ZBTB1: variants seen among roughly 807,000 people sequenced by gnomAD.
ZBTB1 encodes zinc finger and BTB domain-containing protein 1.
In ZBTB1, 13 loss-of-function variants were observed where a neutral mutation model predicts 51.6. The observed-to-expected ratio is 0.25, with a 90% CI of 0.16 to 0.40. ZBTB1 has a LOEUF of 0.40. ZBTB1 is among the 10% of genes least tolerant of loss of function. The probability of loss-of-function intolerance (pLI) is 1.00; values close to 1 mark genes in which losing one functional copy is unlikely to be tolerated. For synonymous variants in ZBTB1, 240 were observed against 282.2 expected (o/e 0.85, Z 1.50); for missense variants, 567 against 856.5 (o/e 0.66, Z 4.22).
chr14:64,525,750 ACT>A (rs1388984440), downstream of ZBTB1, among the ~76,000 whole-genome samples: 32 of 152,208 alleles, frequency 2.1e-4, no homozygotes, highest in African/African-American at 4.8e-4. Flanking sequence ...TATAAACTTT[ACT>A]CTCTAATTTT....
Position 64,504,784 on chromosome 14 carries a change from C to G in ZBTB1, c.-181C>G, listed in dbSNP as rs1350614086. 14 of 381,158 alleles carry G rather than the reference C, an allele frequency of 3.7e-5. No individual in the cohort carries two copies. In the East Asian group the frequency reaches 4.8e-4, roughly 13 times the overall value. The allele number at this position is 381,158 out of a possible 1,614,324, so 23.6% of individuals were successfully genotyped here. A position where few individuals can be genotyped will look rare whatever the true frequency, so the allele number is the denominator to read the frequency against. ...GGAAGTCCTTTGTTGCAGCACAGTC[C>G]CTGGCAGAGCCAGAGCCTCTCCGCG... On this transcript the variant is annotated 5_prime_UTR_variant, in exon 1 of 2. Coordinates refer to ENST00000683701, the MANE Select transcript of ZBTB1 (RefSeq NM_001123329.2).
chr14:64,530,750 G>A (rs901967125), intron 2 of ZBTB1, among the ~76,000 whole-genome samples: 6 of 152,164 alleles, frequency 3.9e-5, no homozygotes, highest in Admixed American at 6.5e-5. Context: ...AAGTCAATTA[G>A]TAGTGTCAAA....
At chr14:64,516,207 T>C (rs1050277110) in intron 1 of ZBTB1, among the ~76,000 whole-genome samples, 2 of 152,152 alleles carry the variant, frequency 1.3e-5, no homozygotes, top group East Asian at 1.9e-4. Context: ...GAGGACATTC[T>C]GAGCTATGAT....
chr14:64,511,496 G>C (rs1205168087), intron 1 of ZBTB1: 1 of 152,198 alleles, frequency 6.6e-6, no homozygotes, highest in Non-Finnish European at 1.5e-5. Context: ...TGATGCAAAA[G>C]AGGAAGGAAA....
chr14:64,508,325 C>A (rs1474352807), intron 1 of ZBTB1, among the ~76,000 whole-genome samples: 1 of 152,064 alleles, frequency 6.6e-6, no homozygotes, highest in Non-Finnish European at 1.5e-5. Context: ...GAGTTCCATC[C>A]CCACTTTGAA....
chr14:64,518,358 T>A (rs1452100412), intron 1 of ZBTB1: 1 of 152,242 alleles, frequency 6.6e-6, no homozygotes, highest in African/African-American at 2.4e-5. Flanking sequence ...TGTACTTACT[T>A]GAAACTTGAT....
chr14:64,518,713 T>C (rs1298323500), intron 1 of ZBTB1, among the ~76,000 whole-genome samples: 1 of 152,018 alleles, frequency 6.6e-6, no homozygotes, highest in African/African-American at 2.4e-5. Context: ...ATTCTGAAGC[T>C]TTATGTATAC....
At chr14:64,506,231 C>A (rs2079652574) in intron 1 of ZBTB1, among the ~76,000 whole-genome samples, 1 of 151,970 alleles carries the variant, frequency 6.6e-6, no homozygotes, top group Admixed American at 6.5e-5. Context: ...GGTTCCTCCT[C>A]TTAAAGAAAC....
chr14:64,507,349 C>G (rs112741157), intron 1 of ZBTB1, among the ~76,000 whole-genome samples: 118 of 152,162 alleles, frequency 7.8e-4, no homozygotes, highest in Non-Finnish European at 1.5e-3. Context: ...AAGGGTTACT[C>G]GTGTCTATTT....
intron 1 of ZBTB1, among the ~76,000 whole-genome samples, chr14:64,514,541 A>C (rs868061507): frequency 2.2e-4 from 34 of 152,222 alleles, no homozygotes; most frequent in African/African-American, 7.2e-4. Context: ...TGTTATTTCC[A>C]ATTTGAGAGA....
At chr14:64,530,247 G>A (rs928025471) in intron 2 of ZBTB1, among the ~76,000 whole-genome samples, 1 of 152,204 alleles carries the variant, frequency 6.6e-6, no homozygotes, top group African/African-American at 2.4e-5. Context: ...TGTGGACAAT[G>A]TCTATATAAT....
upstream of ZBTB1, chr14:64,504,606 C>T (rs1002701258): frequency 3.6e-6 from 1 of 274,334 alleles, no homozygotes; most frequent in Non-Finnish European, 6.8e-6. Context: ...CAGGCGACCG[C>T]GGGTGCCCCT....
At chr14:64,510,483 A>T (rs1025586411) in intron 1 of ZBTB1, among the ~76,000 whole-genome samples, 4 of 152,224 alleles carry the variant, frequency 2.6e-5, no homozygotes, top group Non-Finnish European at 5.9e-5. Context: ...GGTGTTACAG[A>T]GGCTTTCTGC....
rs768564161 is a variant in ZBTB1 at position 64,521,690 on chromosome 14, A to G, written c.186A>G (p.Gln62=). ...TGAACCATCAGCATAGTACTGCACA[A>G]CTGAATCTCAGCAACATGAAAATTA... ...FFMNHQHSTA[Q]LNLSNMKISA... Residue 62 remains glutamine (Q), a synonymous_variant, in exon 2 of 2, where the codon CAA becomes CAG. Transcript: ENST00000683701. 1.4e-5 allele frequency: 22 copies of G among 1,614,164 alleles called. No individual in the cohort carries two copies. The highest frequency in any genetic ancestry group is 1.9e-5 in the Non-Finnish European group (22 of 1,180,040).
intron 1 of ZBTB1, among the ~76,000 whole-genome samples, chr14:64,517,623 T>C (rs900025770): frequency 1.3e-5 from 2 of 151,652 alleles, no homozygotes; most frequent in Non-Finnish European, 2.9e-5. Flanking sequence ...TTCATCTTTT[T>C]TCCCCCCACC....
intron 1 of ZBTB1, among the ~76,000 whole-genome samples, chr14:64,515,926 A>G (rs2079779982): frequency 1.3e-5 from 2 of 152,196 alleles, no homozygotes; most frequent in South Asian, 4.1e-4. Context: ...TTTTTGGTGT[A>G]GTAATCCTTC....
Position 64,522,873 on chromosome 14 carries a change from C to A in ZBTB1, c.1369C>A (p.Leu457Ile). The part of the protein sequence containing the change: ...ICACGKCGQI[L>I]VKGRQLQEHA... ...TGCATGTGGTAAATGTGGACAAATA[C>A]TTGTAAAGGGTAGGCAGCTTCAGGA... Residue 457 changes from leucine to isoleucine, a missense_variant, in exon 2 of 2, where the codon CTT becomes ATT. By Grantham distance (5) the Leu-to-Ile change is conservative. Coordinates refer to ENST00000683701, the MANE Select transcript of ZBTB1 (RefSeq NM_001123329.2). 6.2e-7 allele frequency: 1 copy of A among 1,614,150 alleles called. No individual in the cohort carries two copies. Among genetic ancestry groups the A allele is most frequent in the Non-Finnish European group, 8.5e-7 (1 of 1,180,026 alleles).
rs756458583 is a variant in ZBTB1, at chr14:64,521,590, C to A, written c.86C>A (p.Ala29Glu). The A allele has an allele frequency of 6.2e-7, 1 of 1,614,212 alleles. No individual in the cohort carries two copies. The highest frequency in any genetic ancestry group is 1.1e-5 in the South Asian group (1 of 91,088). ...GGTTTTCTCTGTGACTGCTGTATTGCAATTGATGACATTTACTTTCAAGCA... is the reference window on the plus strand; with the variant it reads ...GGTTTTCTCTGTGACTGCTGTATTGAAATTGATGACATTTACTTTCAAGCA... ...EWGFLCDCCI[A>E]IDDIYFQAHK... The change falls in exon 2 of 2, where the codon GCA (alanine) becomes GAA (glutamate). Residue 29 changes from alanine to glutamate, a missense_variant. Physicochemically the swap from Ala to Glu is moderately radical, Grantham distance 107 (BLOSUM62 -1). Around this residue, in one of 5 missense-constraint regions of ZBTB1, gnomAD observed 69 missense variants for 136.4 expected, o/e 0.51. Coordinates refer to ENST00000683701, the MANE Select transcript of ZBTB1 (RefSeq NM_001123329.2).
At chr14:64,517,990 C>T (rs779389015) in intron 1 of ZBTB1, among the ~76,000 whole-genome samples, 3 of 151,314 alleles carry the variant, frequency 2.0e-5, no homozygotes, top group Admixed American at 6.6e-5. Flanking sequence ...TGTGCCACCA[C>T]GCCCGGCTAA....
Sources: gnomAD v4.1 joint callset for allele counts (sites outside exome capture counted in the v4.1 genomes callset) on GRCh38, gnomAD v4.1.1 for gene constraint, gnomAD v4.1.1 regional missense constraint, MANE v1.5 for transcripts, NCBI Gene and HGNC (gene_info 2026-07-23, HGNC 2026-07-21) for gene names.